The following ERGIC1 variants were observed in gnomAD, a reference collection of about 807,000 sequenced individuals.
ERGIC1 encodes the protein endoplasmic reticulum-Golgi intermediate compartment protein 1.
In ERGIC1, 19 loss-of-function variants were observed where a neutral mutation model predicts 38.3. The ratio of observed to expected loss-of-function variants is 0.50; its 90% CI spans 0.35 to 0.73. The LOEUF is 0.73. Among genes scored for constraint, ERGIC1 ranks in the 30% least tolerant of loss-of-function variants. ERGIC1 has a pLI of 0.01. For synonymous variants in ERGIC1, 124 were observed against 157.6 expected, an observed-to-expected ratio of 0.79 and a Z score of 1.60; for missense variants, 294 against 389.2, an observed-to-expected ratio of 0.76 and a Z score of 2.06.
intron 3 of ERGIC1, among the ~76,000 whole-genome samples, chr5:172,900,496 A>AG (rs566979834): frequency 1.5e-4 from 23 of 152,228 alleles, no homozygotes; most frequent in African/African-American, 4.1e-4. Context: ...CACTTAGCCC[A>AG]GGAGTTCGAG....
rs541076599 is a variant in ERGIC1, at chr5:172,888,370, G to C, written c.21-329G>C. On this transcript the variant is annotated intron_variant, in intron 1 of 9. Coordinates refer to ENST00000393784, the MANE Select transcript of ERGIC1 (RefSeq NM_001031711.3). ...AGCTACTTGGGAGGCTGAGACACGA[G>C]ACTCACTTGAACCTGGGAGGCAGAG... Among the ~76,000 whole-genome samples the C allele has an allele frequency of 7.9e-5, 12 of 152,210 alleles. No homozygotes were observed. The East Asian group carries it at 2.3e-3, about 29-fold the overall frequency.
intron 1 of ERGIC1, among the ~76,000 whole-genome samples, chr5:172,880,836 G>T (rs931117070): frequency 2.6e-5 from 4 of 152,236 alleles, no homozygotes; most frequent in Non-Finnish European, 5.9e-5. Context: ...GATAAACCGC[G>T]TGCCCAGCTA....
intron 2 of ERGIC1, among the ~76,000 whole-genome samples, chr5:172,891,660 G>T (rs1350227988): frequency 6.6e-6 from 1 of 152,010 alleles, no homozygotes; most frequent in South Asian, 2.1e-4. Context: ...GGCTGGTCTC[G>T]AACTCCTGAC....
intron 5 of ERGIC1, among the ~76,000 whole-genome samples, chr5:172,921,973 A>G (rs1270147474): frequency 1.3e-5 from 2 of 152,230 alleles, no homozygotes; most frequent in Admixed American, 1.3e-4. Context: ...TGTAACCCCC[A>G]TGGTCTGCAA....
In ERGIC1 at chr5:172,908,423, A is replaced by C. The variant is rs1256875409; in HGVS notation, c.156-1244A>C. 3.2e-4 allele frequency among the ~76,000 whole-genome samples: 47 copies of C among 148,150 alleles called. No individual in the cohort carries two copies. In the Admixed American group the frequency reaches 3.2e-3, roughly 10 times the overall value. The stretch of plus-strand genomic sequence containing the variant: ...GAAACCCCATCTCTACTAAAAATAC[A>C]AAAATTAGCTGGAGTGGTGGCACGC... On this transcript the variant is annotated intron_variant, in intron 3 of 9. Coordinates refer to ENST00000393784, the MANE Select transcript of ERGIC1 (RefSeq NM_001031711.3).
chr5:172,858,203 G>C (rs1055058244), intron 1 of ERGIC1, among the ~76,000 whole-genome samples: 2 of 152,200 alleles, frequency 1.3e-5, no homozygotes, highest in Non-Finnish European at 1.5e-5. Flanking sequence ...GGAGAGCATG[G>C]GCAAAGGCCC....
intron 5 of ERGIC1, 178 bp downstream of exon 5, chr5:172,915,016 G>A: frequency 3.0e-6 from 3 of 987,572 alleles, no homozygotes; most frequent in Non-Finnish European, 3.2e-6. Flanking sequence ...GGGGGTCCAG[G>A]CTCCCTGGGG....
intron 9 of ERGIC1, among the ~76,000 whole-genome samples, chr5:172,939,617 TCTGCTCAAGCGTGGGCTGGCAAAGCC>T (rs1763965074): frequency 6.6e-6 from 1 of 152,234 alleles, no homozygotes; most frequent in African/African-American, 2.4e-5. Flanking sequence ...CCCATCCACC[TCTGCTCAAGCGTGGGCTGGCAAAGCC>T]CTGGGCTTGT....
intron 1 of ERGIC1, among the ~76,000 whole-genome samples, chr5:172,883,303 C>T (rs527706145): frequency 1.7e-3 from 263 of 152,294 alleles, no homozygotes; most frequent in African/African-American, 6.2e-3. Context: ...TTAGACAGTG[C>T]TGCCGGCCAA....
In ERGIC1 at chr5:172,888,732, T is replaced by C. The variant is rs749054853; in HGVS notation, c.54T>C (p.Leu18=). The C allele has an allele frequency of 3.1e-5, 50 of 1,614,012 alleles. No individual in the cohort carries two copies. Among genetic ancestry groups the C allele is most frequent in the Non-Finnish European group, 3.9e-5 (46 of 1,180,030 alleles). ...FDIYRKVPKD[L]TQPTYTGAII... is the part of the protein sequence containing the mutation. Reference sequence around the variant, plus strand: ...TCTACAGGAAGGTGCCCAAGGACCTTACGCAGCCAACGTACACCGGGGCCA... The same window carrying C: ...TCTACAGGAAGGTGCCCAAGGACCTCACGCAGCCAACGTACACCGGGGCCA... The change falls in exon 2 of 10, where the codon CTT becomes CTC. Residue 18 remains leucine, a synonymous_variant. Transcript: ENST00000393784.
chr5:172,945,502 C>G (rs1368758851), intron 9 of ERGIC1, among the ~76,000 whole-genome samples: 1 of 152,076 alleles, frequency 6.6e-6, no homozygotes. Flanking sequence ...TAATATTTTA[C>G]TGATTTTTCT....
chr5:172,893,893 A>ATGTGTGTG (rs1454635586), intron 2 of ERGIC1, among the ~76,000 whole-genome samples: 2 of 19,772 alleles, frequency 1.0e-4, no homozygotes, highest in Admixed American at 8.6e-4. Flanking sequence ...ATATATATAT[A>ATGTGTGTG]TATATATATA....
At chr5:172,856,418 A>T (rs35712367) in intron 1 of ERGIC1, among the ~76,000 whole-genome samples, 1 of 86,482 alleles carries the variant, frequency 1.2e-5, no homozygotes, top group African/African-American at 4.0e-5. Context: ...GGAGTGAATC[A>T]GGGTGCTTCC....
In ERGIC1 at chr5:172,893,815, A is replaced by G. The variant is rs1581548710; in HGVS notation, c.83-3187A>G. On this transcript the variant is annotated intron_variant, in intron 2 of 9. Coordinates refer to ENST00000393784, the MANE Select transcript of ERGIC1 (RefSeq NM_001031711.3). The stretch of plus-strand genomic sequence containing the variant: ...CTGTTTCGACATAGATTGCTGAGTG[A>G]GCAAAGCACGGTGGAAAAGAGTGTG... Among the ~76,000 whole-genome samples, 7 of 145,886 alleles carry G rather than the reference A, an allele frequency of 4.8e-5. 1 individual carries two copies. The South Asian group carries it at 1.6e-3, about 32-fold the overall frequency.
At position 172,952,400 on chromosome 5, in the gene ERGIC1, C is replaced by T. The variant is rs893591026; in HGVS notation, c.*1584C>T. Reference sequence around the variant, plus strand: ...TTTTTTACATTCTGTTCCCCAGTTACAGGAAGGAGTCCCTTTGGTGTGTGA... The same window carrying T: ...TTTTTTACATTCTGTTCCCCAGTTATAGGAAGGAGTCCCTTTGGTGTGTGA... On this transcript the variant is annotated 3_prime_UTR_variant, in exon 10 of 10. Coordinates refer to ENST00000393784, the MANE Select transcript of ERGIC1 (RefSeq NM_001031711.3). 1 of 120,080 alleles carries T rather than the reference C, an allele frequency of 8.3e-6. No individual in the cohort carries two copies. Among genetic ancestry groups the T allele is most frequent in the African/African-American group, 3.3e-5 (1 of 30,410 alleles). 7.4% of individuals were successfully genotyped at this position (120,080 alleles called of 1,614,324 possible).
At chr5:172,903,403 C>G (rs185129346) in intron 3 of ERGIC1, among the ~76,000 whole-genome samples, 1 of 152,268 alleles carries the variant, frequency 6.6e-6, no homozygotes, top group Admixed American at 6.5e-5. Flanking sequence ...CCACCGGCCC[C>G]TCAGCTTTTC....
chr5:172,943,417 A>C (rs1764054051), intron 9 of ERGIC1, among the ~76,000 whole-genome samples: 1 of 117,548 alleles, frequency 8.5e-6, no homozygotes. Flanking sequence ...TGCCTCCTCC[A>C]CGACTTTGGT....
intron 1 of ERGIC1, among the ~76,000 whole-genome samples, chr5:172,856,008 G>A (rs2113065981): frequency 6.6e-6 from 1 of 152,310 alleles, no homozygotes; most frequent in Non-Finnish European, 1.5e-5. Flanking sequence ...TTCATCAAAT[G>A]TCACTTATTA....
chr5:172,930,099 A>G (rs1451648691), intron 7 of ERGIC1, among the ~76,000 whole-genome samples: 1 of 151,528 alleles, frequency 6.6e-6, no homozygotes, highest in African/African-American at 2.4e-5. Flanking sequence ...GAGGAAGGAG[A>G]ATCACTTGAA....
Sources: gnomAD v4.1 joint callset for allele counts (sites outside exome capture counted in the v4.1 genomes callset) on GRCh38, gnomAD v4.1.1 for gene constraint, MANE v1.5 for transcripts, NCBI Gene and HGNC (gene_info 2026-07-23, HGNC 2026-07-21) for gene names.